The following NOL4 variants were observed in gnomAD, a reference collection of about 807,000 sequenced individuals.
NOL4 encodes the protein cancer/testis antigen 125.
In NOL4, 17 loss-of-function variants were observed where a neutral mutation model predicts 75.9. That is an observed-to-expected ratio of 0.22 (90% CI 0.15 to 0.34). NOL4 has a LOEUF of 0.34. NOL4 is among the 10% of genes least tolerant of loss of function. The pLI, the probability that NOL4 is intolerant of heterozygous loss-of-function variation, is 1.00. For missense variants in NOL4, 614 were observed against 793.5 expected (o/e 0.77, Z 2.72); for synonymous variants, 292 against 289.9 (o/e 1.01, Z -0.07).
intron 5 of NOL4, among the ~76,000 whole-genome samples, chr18:34,065,412 A>G (rs569528997): frequency 2.0e-5 from 3 of 152,102 alleles, no homozygotes; most frequent in African/African-American, 7.2e-5. Context: ...CTACCTGCCT[A>G]TTGAAGTTAA....
intron 5 of NOL4, among the ~76,000 whole-genome samples, chr18:34,047,837 A>G (rs557367618): frequency 6.6e-6 from 1 of 152,124 alleles, no homozygotes; most frequent in African/African-American, 2.4e-5. Context: ...TCAACAAAAA[A>G]TCCTGAAAGG....
intron 8 of NOL4, among the ~76,000 whole-genome samples, chr18:33,956,807 T>C (rs550706823): frequency 6.6e-6 from 1 of 152,282 alleles, no homozygotes; most frequent in African/African-American, 2.4e-5. Flanking sequence ...AATCCTTATA[T>C]TTCACCTAAG....
chr18:34,210,139 T>G (rs2146551849), intron 1 of NOL4, among the ~76,000 whole-genome samples: 1 of 152,334 alleles, frequency 6.6e-6, no homozygotes, highest in African/African-American at 2.4e-5. Flanking sequence ...TAACATATAC[T>G]AATGTATAAT....
intron 6 of NOL4, among the ~76,000 whole-genome samples, chr18:33,995,544 T>C (rs766677436): frequency 6.6e-6 from 1 of 151,610 alleles, no homozygotes; most frequent in African/African-American, 2.4e-5. Flanking sequence ...CATCATTTCA[T>C]GAGAAAAACT....
At chr18:34,042,819 C>T (rs2076197914) in intron 5 of NOL4, among the ~76,000 whole-genome samples, 1 of 152,206 alleles carries the variant, frequency 6.6e-6, no homozygotes, top group South Asian at 2.1e-4. Context: ...TCTGTCAGTA[C>T]TACATCTTGC....
At chr18:34,185,493 T>G (rs2034390806) in intron 1 of NOL4, among the ~76,000 whole-genome samples, 1 of 152,100 alleles carries the variant, frequency 6.6e-6, no homozygotes, top group African/African-American at 2.4e-5. Context: ...GAGGCTTATT[T>G]TTTTTTCAAG....
intron 6 of NOL4, among the ~76,000 whole-genome samples, chr18:33,967,569 C>T (rs2070706190): frequency 6.6e-6 from 1 of 152,008 alleles, no homozygotes; most frequent in African/African-American, 2.4e-5. Flanking sequence ...ACTATTCATC[C>T]AACAAAGTTC....
chr18:34,030,388 G>T (rs1009512409), intron 5 of NOL4, among the ~76,000 whole-genome samples: 1 of 152,056 alleles, frequency 6.6e-6, no homozygotes, highest in African/African-American at 2.4e-5. Context: ...TGGGACAAAA[G>T]GCCTAATCTT....
intron 6 of NOL4, among the ~76,000 whole-genome samples, chr18:33,979,501 T>C (rs1211127596): frequency 1.3e-5 from 2 of 152,046 alleles, no homozygotes; most frequent in Non-Finnish European, 2.9e-5. Flanking sequence ...ATGTACTACT[T>C]GGTAAAGACA....
intron 9 of NOL4, among the ~76,000 whole-genome samples, chr18:33,933,078 A>T (rs1456556205): frequency 6.6e-6 from 1 of 152,160 alleles, no homozygotes; most frequent in Non-Finnish European, 1.5e-5. Context: ...GTTCCGTTCT[A>T]GACCACTGCA....
At chr18:34,126,893 C>T (rs1007152269) in intron 2 of NOL4, among the ~76,000 whole-genome samples, 8 of 151,960 alleles carry the variant, frequency 5.3e-5, no homozygotes, top group South Asian at 2.1e-4. Flanking sequence ...ACCTCTTCTC[C>T]GTTTTGTTCA....
At chr18:33,990,867 C>A (rs2072865074) in intron 6 of NOL4, among the ~76,000 whole-genome samples, 1 of 151,996 alleles carries the variant, frequency 6.6e-6, no homozygotes, top group South Asian at 2.1e-4. Flanking sequence ...CATTTTCATG[C>A]CATTTCAGCC....
chr18:33,922,369 T>C (rs1332270632), intron 9 of NOL4, among the ~76,000 whole-genome samples: 2 of 152,228 alleles, frequency 1.3e-5, no homozygotes, highest in Non-Finnish European at 2.9e-5. Flanking sequence ...ACTTCTAGAC[T>C]TAAAAATAAA....
intron 1 of NOL4, among the ~76,000 whole-genome samples, chr18:34,176,187 T>C (rs2033531043): frequency 6.6e-6 from 1 of 151,972 alleles, no homozygotes; most frequent in Non-Finnish European, 1.5e-5. Flanking sequence ...GGAGAATCAA[T>C]GAAATTAAAA....
At chr18:34,151,194 C>T (rs1398123512) in intron 1 of NOL4, among the ~76,000 whole-genome samples, 1 of 151,792 alleles carries the variant, frequency 6.6e-6, no homozygotes, top group East Asian at 1.9e-4. Flanking sequence ...ATATGATCCA[C>T]CAAACATCTA....
At chr18:33,903,149 G>T (rs547416491) in intron 9 of NOL4, among the ~76,000 whole-genome samples, 2 of 152,142 alleles carry the variant, frequency 1.3e-5, no homozygotes, top group Admixed American at 1.3e-4. Flanking sequence ...TCACAATTCT[G>T]TATGGCTGGG....
chr18:34,112,817 T>C (rs1409910661), intron 2 of NOL4, among the ~76,000 whole-genome samples: 1 of 152,184 alleles, frequency 6.6e-6, no homozygotes, highest in African/African-American at 2.4e-5. Context: ...TTCTGTAATG[T>C]ATGCTTAAAA....
At chr18:34,111,289 A>G (rs1600629168) in intron 2 of NOL4, among the ~76,000 whole-genome samples, 1 of 152,208 alleles carries the variant, frequency 6.6e-6, no homozygotes, top group South Asian at 2.1e-4. Flanking sequence ...GAACTCAAAA[A>G]ATTTCATAGC....
intron 1 of NOL4, among the ~76,000 whole-genome samples, chr18:34,218,284 G>T (rs2037056292): frequency 6.6e-6 from 1 of 152,144 alleles, no homozygotes; most frequent in Non-Finnish European, 1.5e-5. Context: ...CCCGTAGGGA[G>T]CAGGATCCCA....
Sources: allele counts gnomAD v4.1 joint callset (sites outside exome capture counted in the v4.1 genomes callset), GRCh38; gene constraint gnomAD v4.1.1; transcripts MANE v1.5; gene names NCBI Gene and HGNC (gene_info 2026-07-23, HGNC 2026-07-21).